The following SLC4A4 variants were observed in gnomAD, a reference collection of about 807,000 sequenced individuals.
The protein encoded by SLC4A4 is solute carrier family 4 member 4.
SLC4A4 carries 27 observed loss-of-function variants against 111.5 expected under a neutral mutation model. The ratio of observed to expected loss-of-function variants is 0.24; its 90% CI spans 0.18 to 0.33. The LOEUF (loss-of-function observed/expected upper bound fraction) is 0.33, where lower values mean the gene tolerates loss of function less well. Among genes scored for constraint, SLC4A4 ranks in the 10% least tolerant of loss-of-function variants. The pLI is 1.00. For synonymous variants in SLC4A4, 443 were observed against 463.4 expected, an observed-to-expected ratio of 0.96 and a Z score of 0.57; for missense variants, 909 against 1,315.5, an observed-to-expected ratio of 0.69 and a Z score of 4.78.
intron 16 of SLC4A4, among the ~76,000 whole-genome samples, chr4:71,500,850 A>G (rs2149157354): frequency 6.6e-6 from 1 of 152,228 alleles, no homozygotes; most frequent in East Asian, 1.9e-4. Context: ...TACCAGTACC[A>G]TCCTGTTTTG....
At chr4:71,412,194 G>A (rs1721417040) in intron 7 of SLC4A4, among the ~76,000 whole-genome samples, 2 of 152,180 alleles carry the variant, frequency 1.3e-5, no homozygotes, top group African/African-American at 2.4e-5. Flanking sequence ...GAATAAGAAC[G>A]TGAAAAATCC....
chr4:71,263,105 C>A (rs1331775132), intron 3 of SLC4A4, among the ~76,000 whole-genome samples: 1 of 148,950 alleles, frequency 6.7e-6, no homozygotes, highest in Non-Finnish European at 1.5e-5. Context: ...TGAGTGAGAA[C>A]ATGCGGTGCA....
intron 3 of SLC4A4, among the ~76,000 whole-genome samples, chr4:71,292,851 T>TG (rs1278144338): frequency 3.5e-5 from 5 of 144,528 alleles, no homozygotes; most frequent in South Asian, 4.6e-4. Context: ...TGTTTTTTTT[T>TG]TTTTTTTTTT....
intron 16 of SLC4A4, among the ~76,000 whole-genome samples, chr4:71,527,321 C>A (rs540676726): frequency 2.8e-4 from 42 of 152,098 alleles, no homozygotes; most frequent in Admixed American, 4.6e-4. Flanking sequence ...TGAGAAGTGG[C>A]AGGATCCTAG....
At chr4:71,122,511 A>T (rs1442962448) in intron 2 of SLC4A4, among the ~76,000 whole-genome samples, 1 of 152,086 alleles carries the variant, frequency 6.6e-6, no homozygotes, top group East Asian at 1.9e-4. Flanking sequence ...TCAGAAGAAG[A>T]CAATAGCATT....
intron 3 of SLC4A4, among the ~76,000 whole-genome samples, chr4:71,290,113 C>A (rs1377673327): frequency 1.3e-5 from 2 of 152,134 alleles, no homozygotes; most frequent in Non-Finnish European, 2.9e-5. Flanking sequence ...TTTTGAGATA[C>A]TACTTTTCAG....
intron 3 of SLC4A4, among the ~76,000 whole-genome samples, chr4:71,296,512 C>G (rs1278545065): frequency 6.6e-6 from 1 of 151,984 alleles, no homozygotes; most frequent in Non-Finnish European, 1.5e-5. Flanking sequence ...TATTTTTATT[C>G]AGAGTTGGGT....
intron 8 of SLC4A4, among the ~76,000 whole-genome samples, chr4:71,443,114 CTCTATATATA>C (rs1313829271): frequency 1.1e-4 from 10 of 90,282 alleles, no homozygotes; most frequent in Non-Finnish European, 1.6e-4. Context: ...CTCTCTCTCT[CTCTATATATA>C]TATATATATA....
At chr4:71,526,593 A>G (rs961270505) in intron 16 of SLC4A4, among the ~76,000 whole-genome samples, 2 of 152,052 alleles carry the variant, frequency 1.3e-5, no homozygotes, top group Admixed American at 6.6e-5. Flanking sequence ...TCATTAACAT[A>G]TCTCTGTTTG....
At chr4:71,097,760 A>AT (rs964577662) in intron 2 of SLC4A4, among the ~76,000 whole-genome samples, 2 of 151,946 alleles carry the variant, frequency 1.3e-5, no homozygotes, top group African/African-American at 4.8e-5. Flanking sequence ...TTTGGTTTGC[A>AT]TTTTTCTAAC....
At chr4:71,143,768 C>T (rs1744080069) in intron 2 of SLC4A4, among the ~76,000 whole-genome samples, 2 of 152,156 alleles carry the variant, frequency 1.3e-5, no homozygotes, top group African/African-American at 4.8e-5. Flanking sequence ...CTGTTCATAT[C>T]CTTTGTCCAC....
At chr4:71,192,291 C>T (rs1745766876) in intron 1 of SLC4A4, among the ~76,000 whole-genome samples, 3 of 151,624 alleles carry the variant, frequency 2.0e-5, no homozygotes, top group African/African-American at 7.3e-5. Context: ...GTCATGTTCC[C>T]CAGCAAAAAA....
At chr4:71,118,175 C>T (rs1454706642) in intron 2 of SLC4A4, among the ~76,000 whole-genome samples, 2 of 152,270 alleles carry the variant, frequency 1.3e-5, no homozygotes, top group African/African-American at 4.8e-5. Flanking sequence ...CCATGCCTGG[C>T]CTTTTAAATA....
chr4:71,125,680 T>C (rs1434957749), intron 2 of SLC4A4, among the ~76,000 whole-genome samples: 1 of 152,216 alleles, frequency 6.6e-6, no homozygotes, highest in Non-Finnish European at 1.5e-5. Context: ...AGTTTAGGCA[T>C]GTATTGTGCT....
At chr4:71,138,977 A>C (rs1276219923) in intron 2 of SLC4A4, among the ~76,000 whole-genome samples, 1 of 140,470 alleles carries the variant, frequency 7.1e-6, no homozygotes, top group Non-Finnish European at 1.5e-5. Flanking sequence ...CGGAGCTTGC[A>C]GTGAGCAGAG....
At chr4:71,528,442 C>A (rs1733605338) in intron 16 of SLC4A4, among the ~76,000 whole-genome samples, 1 of 152,004 alleles carries the variant, frequency 6.6e-6, no homozygotes, top group South Asian at 2.1e-4. Context: ...TGACAAATTT[C>A]TTTTGCTTTG....
At chr4:71,393,474 A>G (rs1247410126) in intron 6 of SLC4A4, among the ~76,000 whole-genome samples, 1 of 152,150 alleles carries the variant, frequency 6.6e-6, no homozygotes, top group Non-Finnish European at 1.5e-5. Context: ...GAAAGACATC[A>G]ACAAGGCAAA....
chr4:71,087,747 C>T (rs142330988), intron 1 of SLC4A4, among the ~76,000 whole-genome samples: 4,022 of 152,042 alleles, frequency 0.026, 91 homozygotes, highest in Middle Eastern at 0.044. Flanking sequence ...AGTTCTAGTT[C>T]GATTGCACTG....
chr4:71,083,453 T>C (rs1742051020), intron 1 of SLC4A4, among the ~76,000 whole-genome samples: 1 of 152,020 alleles, frequency 6.6e-6, no homozygotes. Context: ...TCTTGCCTTA[T>C]TACCTCTGAA....
Sources: gnomAD v4.1 joint callset for allele counts (sites outside exome capture counted in the v4.1 genomes callset) on GRCh38, gnomAD v4.1.1 for gene constraint, MANE v1.5 for transcripts, NCBI Gene and HGNC (gene_info 2026-07-23, HGNC 2026-07-21) for gene names.